The following ERCC6L2 variants were observed in gnomAD, a reference collection of about 807,000 sequenced individuals.
ERCC6L2 encodes the protein DNA excision repair protein ERCC-6-like 2.
A neutral mutation model predicts 132.0 loss-of-function variants in ERCC6L2; 77 were observed. The ratio of observed to expected loss-of-function variants is 0.58; its 90% CI spans 0.49 to 0.71. The LOEUF (loss-of-function observed/expected upper bound fraction) is 0.71, where lower values mean the gene tolerates loss of function less well. ERCC6L2 is among the 30% of genes least tolerant of loss of function. The pLI is 0.00. For synonymous variants in ERCC6L2, 583 were observed against 632.4 expected, an observed-to-expected ratio of 0.92 and a Z score of 1.17; for missense variants, 1,542 against 1,837.6, an observed-to-expected ratio of 0.84 and a Z score of 2.94.
intron 16 of ERCC6L2, among the ~76,000 whole-genome samples, chr9:95,976,080 T>A (rs2133098716): frequency 6.6e-6 from 1 of 152,320 alleles, no homozygotes; most frequent in Admixed American, 6.5e-5. Flanking sequence ...CCCTTGGTCA[T>A]TTTTATATGA....
chr9:96,040,930 G>A (rs902474588), intron 20 of ERCC6L2, among the ~76,000 whole-genome samples: 1 of 152,218 alleles, frequency 6.6e-6, no homozygotes, highest in Non-Finnish European at 1.5e-5. Context: ...TGTCTTGAGG[G>A]AAGTTGTTTA....
At position 96,030,833 on chromosome 9, in the gene ERCC6L2, C is replaced by T. The variant is rs149486545; in HGVS notation, c.*1504-8043C>T. Among the ~76,000 whole-genome samples, 1,371 of 152,204 alleles carry T rather than the reference C, an allele frequency of 9.0e-3. 17 individuals are homozygous for T. The highest frequency in any genetic ancestry group is 0.031 in the African/African-American group (1,275 of 41,518). ...GGGGCCCACAGGACAGCCCAGGGCA[C>T]ACCTCATGTATTCAAGCCATCCGAT... is the stretch of plus-strand genomic sequence containing the variant. On this transcript the variant is annotated intron_variant and NMD_transcript_variant, in intron 19 of 20. Transcript: ENST00000670016.
chr9:95,897,211 T>C (rs643815), intron 2 of ERCC6L2, among the ~76,000 whole-genome samples: 90,047 of 151,998 alleles, frequency 0.59, 26,913 homozygotes, highest in East Asian at 0.79. Context: ...CGCCCTTGCC[T>C]AACTTCACAG....
intron 3 of ERCC6L2, 89 bp downstream of exon 3, chr9:95,898,060 ATTGG>A: frequency 1.5e-5 from 17 of 1,152,680 alleles, no homozygotes; most frequent in Non-Finnish European, 2.0e-5. Context: ...ATTAAAATGT[ATTGG>A]TATACATTTT....
intron 12 of ERCC6L2, 68 bp from the exon 13 acceptor site, chr9:95,955,846 C>A: frequency 1.3e-6 from 1 of 765,282 alleles, no homozygotes; most frequent in African/African-American, 1.8e-5. Context: ...TTTTTATGTC[C>A]CCAAGTTACC....
At chr9:95,946,007 TAAAA>T (rs138072966) in intron 12 of ERCC6L2, among the ~76,000 whole-genome samples, 2,694 of 151,898 alleles carry the variant, frequency 0.018, 78 homozygotes, top group African/African-American at 0.061. Flanking sequence ...GAAAATAAGA[TAAAA>T]AAATCAAATC....
intron 2 of ERCC6L2, among the ~76,000 whole-genome samples, chr9:95,890,777 C>CCCCACCT (rs1828118449): frequency 6.6e-6 from 1 of 152,052 alleles, no homozygotes; most frequent in South Asian, 2.1e-4. Context: ...AAGTGATCCT[C>CCCCACCT]CCCACCTCAG....
rs767745101 is a variant in ERCC6L2, at chr9:96,015,015, G to GTTTTTTTTTTTTTTTTTTTTTT, written c.*1816_*1837dup. The stretch of plus-strand genomic sequence containing the variant: ...GCTCTATAGTCTTCATATATGTACA[G>GTTTTTTTTTTTTTTTTTTTTTT]TTTTTTTTTTTTTTTTTTTTTTTTT... On this transcript the variant is annotated 3_prime_UTR_variant, in exon 19 of 19. Transcript: ENST00000653738. 7.6e-5 allele frequency among the ~76,000 whole-genome samples: 5 copies of GTTTTTTTTTTTTTTTTTTTTTT among 65,426 alleles called. No homozygotes were observed. Among genetic ancestry groups the GTTTTTTTTTTTTTTTTTTTTTT allele is most frequent in the Admixed American group, 2.5e-4 (1 of 3,932 alleles). The allele number at this position is 65,426 out of a possible 152,430, so 42.9% of individuals were successfully genotyped here.
At chr9:95,982,372 G>C (rs546718068) in intron 17 of ERCC6L2, among the ~76,000 whole-genome samples, 1 of 152,034 alleles carries the variant, frequency 6.6e-6, no homozygotes, top group African/African-American at 2.4e-5. Context: ...TGTGAGCTAC[G>C]GTGGGTTTGA....
chr9:95,960,261 C>A lies in ERCC6L2; in HGVS notation c.1947+4248C>A, dbSNP rs1031641087. On this transcript the variant is annotated intron_variant, in intron 13 of 18. Transcript: ENST00000653738. ...GATAAGCATGTGAAGTATTTAAAGG[C>A]AGATGAATAGCCCAGCCAAAAATAA... is the stretch of plus-strand genomic sequence containing the variant. Among the ~76,000 whole-genome samples the A allele has an allele frequency of 1.3e-5, 2 of 151,970 alleles. 1 individual carries two copies.
intron 2 of ERCC6L2, among the ~76,000 whole-genome samples, chr9:95,886,167 C>T (rs964408792): frequency 1.3e-5 from 2 of 152,070 alleles, no homozygotes; most frequent in African/African-American, 4.8e-5. Context: ...AGTTGCTCAC[C>T]ACCACGCCCA....
At chr9:96,019,439 A>G (rs963863882), downstream of ERCC6L2, among the ~76,000 whole-genome samples, 2 of 152,004 alleles carry the variant, frequency 1.3e-5, no homozygotes, top group African/African-American at 2.4e-5. Context: ...TCCCACTGCC[A>G]GTACCTAAGT....
At chr9:95,997,827 C>T (rs1833522443) in intron 17 of ERCC6L2, among the ~76,000 whole-genome samples, 2 of 151,792 alleles carry the variant, frequency 1.3e-5, no homozygotes, top group Admixed American at 1.3e-4. Flanking sequence ...GTTAAGTTCA[C>T]GTAATCTAGA....
At chr9:95,896,908 A>C (rs1311649247) in intron 2 of ERCC6L2, among the ~76,000 whole-genome samples, 1 of 152,020 alleles carries the variant, frequency 6.6e-6, no homozygotes, top group Non-Finnish European at 1.5e-5. Context: ...AAATCAGTTA[A>C]GTTTTCAGCT....
chr9:96,026,130 C>G (rs931030523), intron 19 of ERCC6L2: 1 of 152,334 alleles, frequency 6.6e-6, no homozygotes, highest in Non-Finnish European at 1.5e-5. Flanking sequence ...CTCAAATCTC[C>G]GAGATGGACC....
intron 17 of ERCC6L2, among the ~76,000 whole-genome samples, chr9:96,000,822 CT>C: frequency 6.6e-6 from 1 of 152,092 alleles, no homozygotes; most frequent in Non-Finnish European, 1.5e-5. Flanking sequence ...TGGGCTCGTG[CT>C]TTGTATGTCT....
downstream of ERCC6L2, among the ~76,000 whole-genome samples, chr9:96,022,467 T>G (rs976895447): frequency 2.0e-5 from 3 of 152,196 alleles, no homozygotes; most frequent in African/African-American, 7.2e-5. Flanking sequence ...GTATTCGTAT[T>G]GTTTTATAGA....
intron 13 of ERCC6L2, among the ~76,000 whole-genome samples, chr9:95,962,366 A>G (rs1006683468): frequency 6.6e-6 from 1 of 152,250 alleles, no homozygotes; most frequent in Admixed American, 6.5e-5. Context: ...TCCATAGCTA[A>G]CTGACAGAAA....
chr9:95,926,121 C>T (rs969384201), intron 9 of ERCC6L2, among the ~76,000 whole-genome samples: 1 of 152,114 alleles, frequency 6.6e-6, no homozygotes, highest in Admixed American at 6.6e-5. Context: ...TAACAAGAAC[C>T]CCCATCTGCT....
Sources: allele counts gnomAD v4.1 joint callset (sites outside exome capture counted in the v4.1 genomes callset), GRCh38; gene constraint gnomAD v4.1.1; transcripts MANE v1.5; gene names NCBI Gene and HGNC (gene_info 2026-07-23, HGNC 2026-07-21).